The following FSTL5 variants were observed in gnomAD, a reference collection of about 807,000 sequenced individuals.
FSTL5 encodes follistatin like 5.
In FSTL5, 62 loss-of-function variants were observed where a neutral mutation model predicts 89.1. That is an observed-to-expected ratio of 0.70 (90% CI 0.57 to 0.86). The LOEUF (loss-of-function observed/expected upper bound fraction) is 0.86, where lower values mean the gene tolerates loss of function less well. FSTL5 is among the 40% of genes least tolerant of loss of function. FSTL5 has a pLI of 0.00. For synonymous variants in FSTL5, 383 were observed against 346.2 expected (o/e 1.11, Z -1.18); for missense variants, 1,057 against 1,001.6 (o/e 1.06, Z -0.75).
chr4:161,829,097 C>CA (rs200178739), intron 4 of FSTL5, among the ~76,000 whole-genome samples: 15 of 135,916 alleles, frequency 1.1e-4, no homozygotes, highest in Admixed American at 6.7e-4. Context: ...GTAATTTTTT[C>CA]AAAAAAAAAT....
chr4:161,635,119 T>C (rs530223573), intron 7 of FSTL5, among the ~76,000 whole-genome samples: 1 of 152,282 alleles, frequency 6.6e-6, no homozygotes, highest in African/African-American at 2.4e-5. Context: ...CTGGGCGCAG[T>C]GGCTCACCCC....
chr4:161,966,960 A>G (rs1232838117), intron 3 of FSTL5, among the ~76,000 whole-genome samples: 2 of 151,842 alleles, frequency 1.3e-5, no homozygotes, highest in African/African-American at 2.4e-5. Context: ...AAAAACCTCA[A>G]TCTTTTACAG....
intron 8 of FSTL5, among the ~76,000 whole-genome samples, chr4:161,549,468 C>T (rs72685747): frequency 0.074 from 11,301 of 151,710 alleles, 534 homozygotes; most frequent in Middle Eastern, 0.15. Context: ...AGCCGGGTGA[C>T]TTGTGTAATG....
intron 3 of FSTL5, among the ~76,000 whole-genome samples, chr4:161,943,508 TA>T (rs1275519420): frequency 3.4e-5 from 5 of 149,104 alleles, no homozygotes; most frequent in African/African-American, 1.2e-4. Flanking sequence ...ATAAGTTTTT[TA>T]TTGGACTTTT....
chr4:161,592,287 T>A (rs930406978), intron 7 of FSTL5, among the ~76,000 whole-genome samples: 3 of 152,068 alleles, frequency 2.0e-5, no homozygotes, highest in African/African-American at 7.3e-5. Flanking sequence ...ATTATTATCA[T>A]TATTATACAT....
chr4:161,797,537 T>C (rs568145023), intron 4 of FSTL5, among the ~76,000 whole-genome samples: 1 of 151,636 alleles, frequency 6.6e-6, no homozygotes, highest in Non-Finnish European at 1.5e-5. Context: ...AAATGACAAG[T>C]ATTCTCCAAA....
At chr4:161,514,038 C>G (rs997709376) in intron 10 of FSTL5, among the ~76,000 whole-genome samples, 3 of 151,648 alleles carry the variant, frequency 2.0e-5, no homozygotes, top group Non-Finnish European at 4.4e-5. Flanking sequence ...AATTAAGGAC[C>G]GTCAATATAA....
chr4:161,834,339 A>G (rs1365434814), intron 4 of FSTL5, among the ~76,000 whole-genome samples: 6 of 152,264 alleles, frequency 3.9e-5, no homozygotes, highest in Admixed American at 6.5e-5. Context: ...ACCCACAGCC[A>G]ATATCATACT....
intron 8 of FSTL5, among the ~76,000 whole-genome samples, chr4:161,569,832 T>C (rs1290141110): frequency 1.3e-5 from 2 of 151,526 alleles, no homozygotes; most frequent in African/African-American, 4.9e-5. Context: ...CTAAATTCTT[T>C]TAAGGACAGT....
At chr4:161,889,637 C>T (rs1732924530) in intron 4 of FSTL5, among the ~76,000 whole-genome samples, 1 of 152,100 alleles carries the variant, frequency 6.6e-6, no homozygotes, top group Non-Finnish European at 1.5e-5. Flanking sequence ...AGATGAAACT[C>T]TGTCGAATAA....
chr4:161,927,303 A>G (rs114318946), intron 3 of FSTL5, among the ~76,000 whole-genome samples: 7,947 of 151,812 alleles, frequency 0.052, 263 homozygotes, highest in Non-Finnish European at 0.077. Context: ...CTTAAAAAAT[A>G]TCTTATTTCT....
intron 3 of FSTL5, among the ~76,000 whole-genome samples, chr4:162,020,091 C>T (rs1008600803): frequency 1.3e-5 from 2 of 151,188 alleles, no homozygotes; most frequent in African/African-American, 2.4e-5. Flanking sequence ...ATTTGAGGTT[C>T]ACAAAAAAAT....
intron 4 of FSTL5, among the ~76,000 whole-genome samples, chr4:161,796,774 T>A (rs1463129013): frequency 6.6e-6 from 1 of 151,716 alleles, no homozygotes; most frequent in Non-Finnish European, 1.5e-5. Flanking sequence ...GCTATTCTTT[T>A]ATTTCTTTAA....
Position 161,496,800 on chromosome 4 carries a change from A to AGATAGAGATAGAGAT in FSTL5, c.1458+3201_1458+3215dup, listed in dbSNP as rs1363049147. 3.4e-5 allele frequency among the ~76,000 whole-genome samples: 5 copies of AGATAGAGATAGAGAT among 148,576 alleles called. No individual in the cohort carries two copies. The East Asian group carries it at 9.8e-4, about 29-fold the overall frequency. ...TAGATAGAGAAAAAGATAGAGATAG[A>AGATAGAGATAGAGAT]GATAGAGATAGAGATAGAGATAGAG... On this transcript the variant is annotated intron_variant, in intron 12 of 15. Transcript: ENST00000306100.
At chr4:161,953,449 C>T (rs796323528) in intron 3 of FSTL5, among the ~76,000 whole-genome samples, 10 of 151,614 alleles carry the variant, frequency 6.6e-5, no homozygotes, top group African/African-American at 2.2e-4. Flanking sequence ...TATAGGACAA[C>T]TTGCTTTATG....
intron 4 of FSTL5, among the ~76,000 whole-genome samples, chr4:161,799,376 C>T (rs7673807): frequency 0.74 from 111,702 of 151,346 alleles, 41,254 homozygotes; most frequent in Admixed American, 0.76. Flanking sequence ...GAGTTTAATA[C>T]TAAGTGGTAT....
intron 4 of FSTL5, among the ~76,000 whole-genome samples, chr4:161,909,318 C>G (rs1457863716): frequency 6.6e-6 from 1 of 152,004 alleles, no homozygotes; most frequent in Middle Eastern, 3.2e-3. Flanking sequence ...GGCTTTGGAT[C>G]CTTTCTTAAT....
chr4:161,466,451 A>T (rs1733750445), intron 13 of FSTL5, among the ~76,000 whole-genome samples: 1 of 152,192 alleles, frequency 6.6e-6, no homozygotes. Context: ...TATCAGTCTG[A>T]CAAGGAAAGT....
intron 8 of FSTL5, among the ~76,000 whole-genome samples, chr4:161,544,697 A>T (rs969241210): frequency 2.0e-5 from 3 of 152,052 alleles, no homozygotes; most frequent in Non-Finnish European, 2.9e-5. Context: ...GACTAAAAAA[A>T]GATGAGTTAT....
Sources: allele counts gnomAD v4.1 joint callset (sites outside exome capture counted in the v4.1 genomes callset), GRCh38; gene constraint gnomAD v4.1.1; transcripts MANE v1.5; gene names NCBI Gene and HGNC (gene_info 2026-07-23, HGNC 2026-07-21).